DSCAM: variants seen among roughly 807,000 people sequenced by gnomAD.
The protein encoded by DSCAM is cell adhesion molecule DSCAM.
A neutral mutation model predicts 217.7 loss-of-function variants in DSCAM; 47 were observed. The observed-to-expected ratio is 0.22, with a 90% confidence interval of 0.17 to 0.28. The LOEUF is 0.28. Ranked by LOEUF, DSCAM falls within the 10% of genes least tolerant of loss-of-function variation. The pLI, the probability that DSCAM is intolerant of heterozygous loss-of-function variation, is 1.00. For missense variants in DSCAM, 2,080 were observed against 2,618.3 expected (o/e 0.79, Z 4.49); for synonymous variants, 1,056 against 1,015.3 (o/e 1.04, Z -0.76).
intron 3 of DSCAM, among the ~76,000 whole-genome samples, chr21:40,585,625 G>A (rs2076940853): frequency 6.6e-6 from 1 of 152,116 alleles, no homozygotes; most frequent in Admixed American, 6.5e-5. Context: ...AAATAAGAGG[G>A]TGTTACGGTT....
chr21:40,129,319 C>A (rs1236771287), intron 19 of DSCAM, among the ~76,000 whole-genome samples: 2 of 152,210 alleles, frequency 1.3e-5, no homozygotes, highest in Admixed American at 1.3e-4. Context: ...TTTTCTCTTC[C>A]CATGTCCATA....
chr21:40,217,627 T>C (rs940194466), intron 11 of DSCAM, among the ~76,000 whole-genome samples: 3 of 152,184 alleles, frequency 2.0e-5, no homozygotes, highest in Non-Finnish European at 4.4e-5. Context: ...CAATAGTGTA[T>C]AAGCATTCCT....
At chr21:40,521,137 G>C (rs1292769950) in intron 3 of DSCAM, among the ~76,000 whole-genome samples, 1 of 152,130 alleles carries the variant, frequency 6.6e-6, no homozygotes, top group Non-Finnish European at 1.5e-5. Flanking sequence ...GATGACATTT[G>C]GTAATGCCTG....
At chr21:40,263,309 G>A (rs1026538267) in intron 11 of DSCAM, among the ~76,000 whole-genome samples, 3 of 152,076 alleles carry the variant, frequency 2.0e-5, no homozygotes, top group Non-Finnish European at 4.4e-5. Context: ...GGTTTACCTG[G>A]ATGAATAAAC....
Position 40,462,662 on chromosome 21 carries a change from T to C in DSCAM, c.509-93417A>G, listed in dbSNP as rs752059585. 8.5e-5 allele frequency among the ~76,000 whole-genome samples: 13 copies of C among 152,272 alleles called. No individual in the cohort carries two copies. In the East Asian group the frequency reaches 9.7e-4, roughly 11 times the overall value. On this transcript the variant is annotated intron_variant, in intron 3 of 32. Coordinates refer to ENST00000400454, the MANE Select transcript of DSCAM (RefSeq NM_001389.5). ...AGCAATAGTTCTCAATCTTGATACA[T>C]TGAAACCACTCAGGGCCAATTAAAA...
chr21:40,092,306 G>A lies in DSCAM; in HGVS notation c.3850+1415C>T, dbSNP rs565828157. ...ACCATGTGGAACAGGCCACCCAAGA[G>A]AGCCCTGACCAAAAATACCTCTGTT... On this transcript the variant is annotated intron_variant, in intron 21 of 32. Transcript: ENST00000400454. Among the ~76,000 whole-genome samples the A allele has an allele frequency of 1.9e-3, 290 of 152,302 alleles. 1 individual carries two copies. Among genetic ancestry groups the A allele is most frequent in the Middle Eastern group, 3.4e-3 (1 of 294 alleles).
chr21:40,826,683 C>T lies in DSCAM; in HGVS notation c.43+19936G>A, dbSNP rs115954695. On this transcript the variant is annotated intron_variant, in intron 1 of 32. Coordinates refer to ENST00000400454, the MANE Select transcript of DSCAM (RefSeq NM_001389.5). The stretch of plus-strand genomic sequence containing the variant: ...GTGAAGGACAGAGAGGAATCAAGGA[C>T]GACTCTGAGATTTCTGTTCTGTGCA... Among the ~76,000 whole-genome samples, 518 of 152,256 alleles carry T rather than the reference C, an allele frequency of 3.4e-3. 6 individuals are homozygous for T. Among genetic ancestry groups the T allele is most frequent in the African/African-American group, 0.012 (507 of 41,552 alleles).
At position 40,025,429 on chromosome 21, in the gene DSCAM, T is replaced by G. The variant is rs945625890; in HGVS notation, c.5687-12043A>C. ...TTCCCTCTTTTTCTATTGATTGGAATAGTTTCAGAAGGAATGGTACCAGTT... is the reference window on the plus strand; with the variant it reads ...TTCCCTCTTTTTCTATTGATTGGAAGAGTTTCAGAAGGAATGGTACCAGTT... On this transcript the variant is annotated intron_variant, in intron 32 of 32. Coordinates refer to ENST00000400454, the MANE Select transcript of DSCAM (RefSeq NM_001389.5). Among the ~76,000 whole-genome samples, 22 of 145,582 alleles carry G rather than the reference T, an allele frequency of 1.5e-4. 1 individual carries two copies. The highest frequency in any genetic ancestry group is 4.9e-4 in the African/African-American group (19 of 38,404).
Position 40,621,571 on chromosome 21 carries a change from G to C in DSCAM, c.508+71239C>G, listed in dbSNP as rs1269903329. Among the ~76,000 whole-genome samples the C allele has an allele frequency of 2.0e-5, 3 of 151,640 alleles. No homozygotes were observed. The East Asian group carries it at 5.9e-4, about 30-fold the overall frequency. ...GGCTGCTAAGCACCCTCTGACTTCT[G>C]CTTGGGGACCAGATGGGATGGCACC... On this transcript the variant is annotated intron_variant, in intron 3 of 32. Transcript: ENST00000400454.
intron 14 of DSCAM, among the ~76,000 whole-genome samples, chr21:40,181,645 C>T (rs977304929): frequency 1.3e-5 from 2 of 151,726 alleles, no homozygotes; most frequent in African/African-American, 4.8e-5. Flanking sequence ...TCTCTGAAAA[C>T]ACCTAATAAG....
intron 11 of DSCAM, among the ~76,000 whole-genome samples, chr21:40,258,212 A>G (rs1419197000): frequency 6.6e-6 from 1 of 151,886 alleles, no homozygotes; most frequent in Non-Finnish European, 1.5e-5. Context: ...GTCTTCCAAA[A>G]CTTCTTCCTG....
At chr21:40,124,455 C>T in intron 19 of DSCAM, 127 bp from the exon 20 acceptor site, 1 of 1,189,754 alleles carries the variant, frequency 8.4e-7, no homozygotes, top group Non-Finnish European at 1.2e-6. Flanking sequence ...ATGGGTTCCG[C>T]TGTGTCCCCC....
chr21:40,347,212 T>C (rs9980414), intron 6 of DSCAM, among the ~76,000 whole-genome samples: 150,506 of 151,114 alleles, frequency 1, 74,952 homozygotes, highest in Middle Eastern at 1. Context: ...GCAGGAGAAT[T>C]GCTTGAACCC....
In DSCAM at chr21:40,289,567, A is replaced by G. The variant is rs543376081; in HGVS notation, c.2182+6488T>C. Among the ~76,000 whole-genome samples the G allele has an allele frequency of 2.0e-4, 30 of 152,296 alleles. No individual in the cohort carries two copies. The South Asian group carries it at 6.0e-3, about 31-fold the overall frequency. ...ATAGGGGAGTATAGACACATAAGAT[A>G]TGTTGAGAGAGACAGAGACAGCACA... On this transcript the variant is annotated intron_variant, in intron 10 of 32. Transcript: ENST00000400454.
At chr21:40,736,720 C>T (rs544690596) in intron 1 of DSCAM, among the ~76,000 whole-genome samples, 3 of 152,150 alleles carry the variant, frequency 2.0e-5, no homozygotes, top group African/African-American at 4.8e-5. Flanking sequence ...GGGACAAAGA[C>T]CAAATATCTT....
chr21:40,839,733 A>G (rs1312929341), intron 1 of DSCAM, among the ~76,000 whole-genome samples: 1 of 152,128 alleles, frequency 6.6e-6, no homozygotes, highest in East Asian at 1.9e-4. Flanking sequence ...TGCATTTTCA[A>G]TTCTTTCTTT....
At chr21:40,765,581 G>T (rs2091379954) in intron 1 of DSCAM, among the ~76,000 whole-genome samples, 1 of 152,132 alleles carries the variant, frequency 6.6e-6, no homozygotes, top group African/African-American at 2.4e-5. Flanking sequence ...TAGAAGCAAT[G>T]GGGGAGGGAT....
chr21:40,054,171 C>CA (rs1178636239), intron 29 of DSCAM, among the ~76,000 whole-genome samples: 1 of 152,102 alleles, frequency 6.6e-6, no homozygotes, highest in Non-Finnish European at 1.5e-5. Context: ...TCCCCTTTCC[C>CA]AAAAAAAGAT....
chr21:40,833,441 A>C (rs945970411), intron 1 of DSCAM, among the ~76,000 whole-genome samples: 1 of 152,226 alleles, frequency 6.6e-6, no homozygotes, highest in Non-Finnish European at 1.5e-5. Context: ...GGCACAGGGC[A>C]ACCAGGCGAG....
Sources: gnomAD v4.1 joint callset for allele counts (sites outside exome capture counted in the v4.1 genomes callset) on GRCh38, gnomAD v4.1.1 for gene constraint, MANE v1.5 for transcripts, NCBI Gene and HGNC (gene_info 2026-07-23, HGNC 2026-07-21) for gene names.